The following SERPINI2 variants were observed in gnomAD, a reference collection of about 807,000 sequenced individuals.
SERPINI2 encodes the protein serpin family I member 2.
In SERPINI2, 48 loss-of-function variants were observed where a neutral mutation model predicts 47.3. The observed-to-expected ratio is 1.02, with a 90% CI of 0.81 to 1.29. The LOEUF is 1.29. Among genes scored for constraint, SERPINI2 ranks in the 50% most tolerant of loss-of-function variants. The pLI is 0.00. For missense variants in SERPINI2, 448 were observed against 456.9 expected, an observed-to-expected ratio of 0.98 and a Z score of 0.18; for synonymous variants, 135 against 149.3, an observed-to-expected ratio of 0.90 and a Z score of 0.70.
At chr3:167,452,382 G>C (rs1465030529) in intron 6 of SERPINI2, among the ~76,000 whole-genome samples, 1 of 152,088 alleles carries the variant, frequency 6.6e-6, no homozygotes, top group African/African-American at 2.4e-5. Context: ...TAACCATGCA[G>C]GATTCCCCTG....
chr3:167,469,725 A>T (rs1408621397), intron 2 of SERPINI2: 2 of 152,206 alleles, frequency 1.3e-5, no homozygotes, highest in Admixed American at 6.5e-5. Flanking sequence ...GAAGTAAAGA[A>T]GGAGAACTGA....
At chr3:167,459,510 T>C (rs1264296158) in intron 5 of SERPINI2, among the ~76,000 whole-genome samples, 1 of 152,048 alleles carries the variant, frequency 6.6e-6, no homozygotes, top group African/African-American at 2.4e-5. Flanking sequence ...AGATAATAAA[T>C]AATGGGAAGC....
chr3:167,459,795 A>G (rs999033288), intron 5 of SERPINI2, among the ~76,000 whole-genome samples: 2 of 152,170 alleles, frequency 1.3e-5, no homozygotes, highest in South Asian at 2.1e-4. Flanking sequence ...CCCTTTCCCA[A>G]ATTCATGTGT....
At chr3:167,453,968 G>A (rs918472770) in intron 5 of SERPINI2, among the ~76,000 whole-genome samples, 3 of 152,188 alleles carry the variant, frequency 2.0e-5, no homozygotes, top group Admixed American at 2.0e-4. Flanking sequence ...CTTTGTTTAT[G>A]AAAGAAAAGA....
chr3:167,466,018 T>C (rs566540986), intron 3 of SERPINI2, among the ~76,000 whole-genome samples: 1 of 152,298 alleles, frequency 6.6e-6, no homozygotes, highest in Non-Finnish European at 1.5e-5. Context: ...ATTCCATCTA[T>C]TTCAAGGTCT....
chr3:167,470,356 T>A (rs1750269211), intron 2 of SERPINI2, among the ~76,000 whole-genome samples: 1 of 152,088 alleles, frequency 6.6e-6, no homozygotes, highest in African/African-American at 2.4e-5. Flanking sequence ...GTAAATAGTA[T>A]TTTCAGGAAA....
exon 5 of SERPINI2, chr3:167,465,314 G>A: frequency 6.2e-7 from 1 of 1,613,198 alleles, no homozygotes. Flanking sequence ...ACCTTCTGCA[G>A]GAAGTATGAT....
At chr3:167,467,655 A>G (rs1252574743) in intron 2 of SERPINI2, among the ~76,000 whole-genome samples, 1 of 152,198 alleles carries the variant, frequency 6.6e-6, no homozygotes, top group African/African-American at 2.4e-5. Context: ...GATACCTATG[A>G]AAAGGGAATG....
chr3:167,453,002 C>A, exon 6 of SERPINI2: 2 of 1,599,182 alleles, frequency 1.3e-6, no homozygotes, highest in Non-Finnish European at 1.7e-6. Context: ...TACAAAACGT[C>A]TTTGAAGTCT....
chr3:167,446,066 A>T (rs1239942909), intron 8 of SERPINI2, among the ~76,000 whole-genome samples: 1 of 152,158 alleles, frequency 6.6e-6, no homozygotes, highest in African/African-American at 2.4e-5. Flanking sequence ...CTTTCTAGCT[A>T]CGTAACCTGA....
upstream of SERPINI2, among the ~76,000 whole-genome samples, chr3:167,474,302 G>T (rs1003797828): frequency 5.3e-5 from 8 of 151,614 alleles, no homozygotes; most frequent in African/African-American, 1.9e-4. Context: ...TTTAAAAGTT[G>T]CACAGAATTT....
intron 5 of SERPINI2, among the ~76,000 whole-genome samples, chr3:167,454,408 T>G (rs1324116850): frequency 6.6e-6 from 1 of 152,242 alleles, no homozygotes; most frequent in Non-Finnish European, 1.5e-5. Context: ...TAGCTCATTC[T>G]ATGCCAACTG....
chr3:167,474,197 A>G (rs113814796), upstream of SERPINI2: 1,249 of 856,776 alleles, frequency 1.5e-3, 14 homozygotes, highest in African/African-American at 0.018. Flanking sequence ...TTAATGATCA[A>G]CTGATGAAAT....
chr3:167,446,343 G>T (rs760789416), intron 8 of SERPINI2, 49 bp downstream of exon 8: 3 of 1,267,652 alleles, frequency 2.4e-6, no homozygotes, highest in Non-Finnish European at 3.4e-6. Flanking sequence ...ACTGGAACTA[G>T]TTCTGCTTAA....
At chr3:167,446,261 G>T in intron 8 of SERPINI2, 131 bp downstream of exon 8, 1 of 567,276 alleles carries the variant, frequency 1.8e-6, no homozygotes, top group Non-Finnish European at 3.0e-6. Context: ...ACAATTCCTG[G>T]TATATAAAAT....
At chr3:167,445,449 A>G (rs1299787023) in intron 8 of SERPINI2, among the ~76,000 whole-genome samples, 1 of 152,202 alleles carries the variant, frequency 6.6e-6, no homozygotes, top group East Asian at 1.9e-4. Flanking sequence ...GAGCACTACT[A>G]TTATGTTCAA....
rs1429957318 is a variant in SERPINI2, at chr3:167,471,906, C to T, written c.-10-62G>A. On this transcript the variant is annotated intron_variant, in intron 1 of 8. Transcript: ENST00000264677. ...ATAGAGTTTTCCACAGAGAGCTCAACAGAAAACTTTCTACCTGTTGTAGCT... is the reference window on the plus strand; with the variant it reads ...ATAGAGTTTTCCACAGAGAGCTCAATAGAAAACTTTCTACCTGTTGTAGCT... 50 of 1,299,122 alleles carry T rather than the reference C, an allele frequency of 3.8e-5. No individual in the cohort carries two copies. The South Asian group carries it at 4.6e-4, about 12-fold the overall frequency. 80.5% of individuals were successfully genotyped at this position (1,299,122 alleles called of 1,614,324 possible).
intron 7 of SERPINI2, 51 bp from the exon 8 acceptor site, chr3:167,446,532 A>G (rs964196309): frequency 1.7e-6 from 2 of 1,179,336 alleles, no homozygotes; most frequent in Admixed American, 2.0e-5. Context: ...AAAGATCAGT[A>G]AAGAAAGTAT....
At chr3:167,455,290 C>T (rs1749752312) in intron 5 of SERPINI2, among the ~76,000 whole-genome samples, 1 of 152,190 alleles carries the variant, frequency 6.6e-6, no homozygotes, top group South Asian at 2.1e-4. Flanking sequence ...GAGTAATTCA[C>T]TCCCAAATGT....
Sources: allele counts gnomAD v4.1 joint callset (sites outside exome capture counted in the v4.1 genomes callset), GRCh38; gene constraint gnomAD v4.1.1; transcripts MANE v1.5; gene names NCBI Gene and HGNC (gene_info 2026-07-23, HGNC 2026-07-21).